Variants in GRK5 observed in about 807,000 individuals in gnomAD.
GRK5 encodes the protein G protein-coupled receptor kinase 5.
Under a neutral mutation model 78.4 loss-of-function variants are expected in GRK5, and 40 were observed. That is an observed-to-expected ratio of 0.51 (90% CI 0.40 to 0.66). The LOEUF is 0.66. GRK5 is among the 30% of genes least tolerant of loss of function. GRK5 has a pLI of 0.00. For synonymous variants in GRK5, 289 were observed against 296.8 expected (o/e 0.97, Z 0.27); for missense variants, 598 against 759.9 (o/e 0.79, Z 2.50).
chr10:119,258,635 A>G (rs1302409266), intron 1 of GRK5, among the ~76,000 whole-genome samples: 1 of 152,224 alleles, frequency 6.6e-6, no homozygotes, highest in African/African-American at 2.4e-5. Context: ...ATTGCAAGGA[A>G]CAAAGACTCT....
chr10:119,246,046 GA>G (rs907388666), intron 1 of GRK5, among the ~76,000 whole-genome samples: 1 of 106,690 alleles, frequency 9.4e-6, no homozygotes, highest in Non-Finnish European at 1.9e-5. Context: ...AAAAAAAAAA[GA>G]AAAAAAGATA....
At chr10:119,243,193 C>T (rs1849053816) in intron 1 of GRK5, among the ~76,000 whole-genome samples, 2 of 152,188 alleles carry the variant, frequency 1.3e-5, no homozygotes, top group South Asian at 2.1e-4. Flanking sequence ...GCTGAGATCA[C>T]ACCACTGCAT....
rs200036170 is a variant in GRK5, at chr10:119,293,143, G to GAAGT, written c.53-33372_53-33369dup. Among the ~76,000 whole-genome samples, 498 of 152,324 alleles carry GAAGT rather than the reference G, an allele frequency of 3.3e-3. 2 individuals carry two copies. Among genetic ancestry groups the GAAGT allele is most frequent in the African/African-American group, 0.011 (470 of 41,562 alleles). On this transcript the variant is annotated intron_variant, in intron 1 of 15. Coordinates refer to ENST00000392870, the MANE Select transcript of GRK5 (RefSeq NM_005308.3). Reference sequence around the variant, plus strand: ...CTGTTGTTTAAGGTTATGCAGCCAGGAAGTGGCTTACTCTCTTTGAATCTT... The same window carrying GAAGT: ...CTGTTGTTTAAGGTTATGCAGCCAGGAAGTAAGTGGCTTACTCTCTTTGAATCTT...
chr10:119,234,067 G>A (rs1171115623), intron 1 of GRK5, among the ~76,000 whole-genome samples: 1 of 152,164 alleles, frequency 6.6e-6, no homozygotes, highest in Non-Finnish European at 1.5e-5. Flanking sequence ...CTGCTCTAGG[G>A]CTGGGTGCCA....
intron 1 of GRK5, among the ~76,000 whole-genome samples, chr10:119,290,576 C>T (rs1345650287): frequency 1.3e-5 from 2 of 152,008 alleles, no homozygotes; most frequent in Non-Finnish European, 2.9e-5. Context: ...AGAAGGCAGG[C>T]ACTGTCTTCC....
intron 8 of GRK5, among the ~76,000 whole-genome samples, chr10:119,432,899 C>T (rs887937708): frequency 1.3e-5 from 2 of 152,152 alleles, no homozygotes; most frequent in Non-Finnish European, 2.9e-5. Context: ...GGCAAAACCC[C>T]ATTTCTACTA....
intron 1 of GRK5, among the ~76,000 whole-genome samples, chr10:119,241,716 C>T (rs1849031349): frequency 6.6e-6 from 1 of 152,176 alleles, no homozygotes; most frequent in Non-Finnish European, 1.5e-5. Context: ...AGGGAATGGC[C>T]TGCAAATCAC....
chr10:119,370,673 G>A (rs1451209966), intron 2 of GRK5, among the ~76,000 whole-genome samples: 8 of 152,172 alleles, frequency 5.3e-5, no homozygotes, highest in African/African-American at 1.7e-4. Context: ...GCAAACGCCC[G>A]ATTGTTTTTT....
rs1852646372 is a variant in GRK5, at chr10:119,425,044, C to A, written c.492C>A (p.Ser164Arg). 1.9e-6 allele frequency: 3 copies of A among 1,613,908 alleles called. No homozygotes were observed. In the South Asian group the frequency reaches 3.3e-5, roughly 18 times the overall value. ...RGEPFHEYLD[S>R]MFFDRFLQWK... is the part of the protein sequence containing the mutation. Reference sequence around the variant, plus strand: ...AACCATTCCACGAATATCTGGACAGCATGTTTTTTGACCGCTTTCTCCAGT... The same window carrying A: ...AACCATTCCACGAATATCTGGACAGAATGTTTTTTGACCGCTTTCTCCAGT... The change falls in exon 6 of 16, where the codon AGC becomes AGA. Residue 164 changes from serine (S) to arginine (R), a missense_variant. By Grantham distance (110) the Ser-to-Arg change is moderately radical. Coordinates refer to ENST00000392870, the MANE Select transcript of GRK5 (RefSeq NM_005308.3).
At chr10:119,369,272 T>G (rs1851505150) in intron 2 of GRK5, among the ~76,000 whole-genome samples, 1 of 152,210 alleles carries the variant, frequency 6.6e-6, no homozygotes, top group African/African-American at 2.4e-5. Context: ...AAGAATGTCC[T>G]TCTAAGTGGA....
intron 2 of GRK5, among the ~76,000 whole-genome samples, chr10:119,351,411 T>C (rs545575172): frequency 2.6e-4 from 39 of 152,212 alleles, no homozygotes; most frequent in African/African-American, 9.4e-4. Flanking sequence ...TCCATTACTG[T>C]TCTTGTGGTA....
chr10:119,221,591 G>A lies in GRK5; in HGVS notation c.52+13622G>A, dbSNP rs77058808. Among the ~76,000 whole-genome samples, 1,114 of 152,262 alleles carry A rather than the reference G, an allele frequency of 7.3e-3. 16 individuals carry two copies. Among genetic ancestry groups the A allele is most frequent in the African/African-American group, 0.019 (788 of 41,536 alleles). On this transcript the variant is annotated intron_variant, in intron 1 of 15. Transcript: ENST00000392870. Reference sequence around the variant, plus strand: ...ATATTTAACCAAGCCCCTAGAATGAGCCATTTAAATTCTCTAATTTTTAAA... The same window carrying A: ...ATATTTAACCAAGCCCCTAGAATGAACCATTTAAATTCTCTAATTTTTAAA...
At chr10:119,288,322 G>A (rs1412967377) in intron 1 of GRK5, among the ~76,000 whole-genome samples, 1 of 152,144 alleles carries the variant, frequency 6.6e-6, no homozygotes, top group African/African-American at 2.4e-5. Context: ...AAGTGGAGGG[G>A]CTCCAAGCAC....
intron 13 of GRK5, among the ~76,000 whole-genome samples, chr10:119,451,084 C>T (rs1419655871): frequency 6.3e-4 from 44 of 69,468 alleles, no homozygotes; most frequent in Non-Finnish European, 1.0e-3. Flanking sequence ...CCCCCACCAT[C>T]GTCCCTGCCA....
intron 4 of GRK5, among the ~76,000 whole-genome samples, chr10:119,421,776 G>T (rs1852574631): frequency 6.6e-6 from 1 of 152,220 alleles, no homozygotes; most frequent in Non-Finnish European, 1.5e-5. Context: ...GCCTGGCTCA[G>T]CTGGGAGACC....
chr10:119,394,348 ATGTGGGTG>A (rs1302342514), intron 3 of GRK5, among the ~76,000 whole-genome samples: 3 of 33,136 alleles, frequency 9.1e-5, no homozygotes, highest in African/African-American at 3.2e-4. Flanking sequence ...GTGTGTGGGC[ATGTGGGTG>A]TGTGGGTGTG....
In GRK5 at chr10:119,264,852, C is replaced by T. The variant is rs932833441; in HGVS notation, c.52+56883C>T. ...GGTGCCCTGAGTAGCCTTGGCATGA[C>T]GTGCCTCACTGTCATCTGACCAATG... On this transcript the variant is annotated intron_variant, in intron 1 of 15. Transcript: ENST00000392870. The surrounding 1 kb of genome is among the most constrained non-coding windows in gnomAD (Gnocchi z 4.1). Among the ~76,000 whole-genome samples the T allele has an allele frequency of 4.6e-5, 7 of 152,252 alleles. No individual in the cohort carries two copies. Among genetic ancestry groups the T allele is most frequent in the Non-Finnish European group, 8.8e-5 (6 of 68,048 alleles).
chr10:119,392,780 G>A (rs1174904451), intron 3 of GRK5, among the ~76,000 whole-genome samples: 1 of 152,138 alleles, frequency 6.6e-6, no homozygotes, highest in Non-Finnish European at 1.5e-5. Flanking sequence ...CTCTCTCTCT[G>A]GTTGGAAGGG....
Position 119,442,107 on chromosome 10 carries a change from G to A in GRK5, c.1057+19G>A, listed in dbSNP as rs200163357. 13 of 1,606,818 alleles carry A rather than the reference G, an allele frequency of 8.1e-6. No homozygotes were observed. The highest frequency in any genetic ancestry group is 1.1e-5 in the Non-Finnish European group (13 of 1,173,638). On this transcript the variant is annotated intron_variant, in intron 11 of 15. Transcript: ENST00000392870. ...TACATGGGTGAGTGCTGGGCTGCCT[G>A]TGTCAATGCACCTTGAGACCCACCA...
Sources: allele counts gnomAD v4.1 joint callset (sites outside exome capture counted in the v4.1 genomes callset), GRCh38; gene constraint gnomAD v4.1.1; non-coding constraint Gnocchi (gnomAD v3.1); transcripts MANE v1.5; gene names NCBI Gene and HGNC (gene_info 2026-07-23, HGNC 2026-07-21).